The following MSRB2 variants were observed in gnomAD, a reference collection of about 807,000 sequenced individuals.
MSRB2 encodes methionine sulfoxide reductase B2.
In MSRB2, 17 loss-of-function variants were observed where a neutral mutation model predicts 19.0. That is an observed-to-expected ratio of 0.89 (90% confidence interval 0.61 to 1.34). MSRB2 has a LOEUF of 1.34. Ranked by LOEUF, MSRB2 falls within the 40% of genes most tolerant of loss-of-function variation. The probability of loss-of-function intolerance (pLI) is 0.00; values close to 1 mark genes in which losing one functional copy is unlikely to be tolerated. For missense variants in MSRB2, 208 were observed against 237.6 expected (o/e 0.88, Z 0.82); for synonymous variants, 107 against 99.7 (o/e 1.07, Z -0.44).
intron 1 of MSRB2, among the ~76,000 whole-genome samples, chr10:23,097,333 T>C (rs2131619973): frequency 6.6e-6 from 1 of 152,310 alleles, no homozygotes; most frequent in South Asian, 2.1e-4. Context: ...CAAAACACCG[T>C]GGACTGGGTG....
At chr10:23,110,219 T>A in intron 2 of MSRB2, 23 bp from the exon 3 acceptor site, 2 of 1,590,966 alleles carry the variant, frequency 1.3e-6, no homozygotes, top group Non-Finnish European at 1.7e-6. Context: ...AATCTGAACA[T>A]GACATATCTA....
At chr10:23,119,555 C>A (rs1214635874) in intron 4 of MSRB2, 104 bp downstream of exon 4, 1 of 1,353,634 alleles carries the variant, frequency 7.4e-7, no homozygotes, top group East Asian at 2.3e-5. Context: ...GGGGTACTTT[C>A]TTTTGTCTTC....
In MSRB2 at chr10:23,095,725, A is replaced by T; in HGVS notation, c.117A>T (p.Ala39=). The part of the protein sequence containing the change: ...GPGTGPGLGE[A]GSLATCELPL... ...GCACCGGGCCGGGACTGGGGGAGGC[A>T]GGTAGGACGCGGGTCCCGCAGGCCC... Residue 39 remains alanine, a splice_region_variant and synonymous_variant, in exon 1 of 5, where the codon GCA becomes GCT. Coordinates refer to ENST00000376510, the MANE Select transcript of MSRB2 (RefSeq NM_012228.4). 8.0e-7 allele frequency: 1 copy of T among 1,256,066 alleles called. No individual in the cohort carries two copies. 77.8% of individuals were successfully genotyped at this position (1,256,066 alleles called of 1,614,324 possible). A position where few individuals can be genotyped will look rare whatever the true frequency, so the allele number is the denominator to read the frequency against.
intron 1 of MSRB2, among the ~76,000 whole-genome samples, chr10:23,095,929 C>T (rs866529825): frequency 6.6e-5 from 10 of 151,962 alleles, no homozygotes; most frequent in Admixed American, 2.0e-4. Context: ...GGACTGACCC[C>T]TGTGAGAATC....
chr10:23,117,388 A>C (rs1456935022), intron 3 of MSRB2, among the ~76,000 whole-genome samples: 2 of 152,192 alleles, frequency 1.3e-5, no homozygotes, highest in South Asian at 2.1e-4. Flanking sequence ...AACAGACTGA[A>C]TTCAGAGGCA....
intron 2 of MSRB2, among the ~76,000 whole-genome samples, chr10:23,109,579 T>A (rs1309237134): frequency 6.6e-6 from 1 of 152,066 alleles, no homozygotes; most frequent in African/African-American, 2.4e-5. Flanking sequence ...AATAACATTT[T>A]AAAAAATATT....
intron 1 of MSRB2, among the ~76,000 whole-genome samples, chr10:23,096,350 C>CTGTGTGTGTGTGTGTGTGTGTGTG (rs780651477): frequency 9.1e-4 from 56 of 61,768 alleles, no homozygotes; most frequent in African/African-American, 3.4e-3. Context: ...CTCTCTCTCT[C>CTGTGTGTGTGTGTGTGTGTGTGTG]TCTGTGTGTG....
chr10:23,106,613 C>T (rs1315252544), intron 2 of MSRB2, among the ~76,000 whole-genome samples: 1 of 152,172 alleles, frequency 6.6e-6, no homozygotes, highest in East Asian at 1.9e-4. Flanking sequence ...ATCGCTAGAG[C>T]CCAGCGTTCT....
intron 4 of MSRB2, 99 bp downstream of exon 4, chr10:23,119,550 ACTTT>A (rs2131635270): frequency 7.2e-7 from 1 of 1,397,390 alleles, no homozygotes; most frequent in African/African-American, 1.4e-5. Flanking sequence ...TTATAGGGGT[ACTTT>A]CTTTTGTCTT....
intron 2 of MSRB2, among the ~76,000 whole-genome samples, chr10:23,109,540 C>CAAA (rs71395829): frequency 7.2e-6 from 1 of 138,276 alleles, no homozygotes. Flanking sequence ...GACTTCATCT[C>CAAA]AAAAAAAAAA....
chr10:23,103,132 T>C (rs1839943556), intron 1 of MSRB2, among the ~76,000 whole-genome samples: 1 of 152,238 alleles, frequency 6.6e-6, no homozygotes, highest in African/African-American at 2.4e-5. Flanking sequence ...ACTATATGTA[T>C]CACTGGAAAT....
At chr10:23,105,227 TG>T (rs1839974000) in intron 2 of MSRB2, among the ~76,000 whole-genome samples, 1 of 151,978 alleles carries the variant, frequency 6.6e-6, no homozygotes, top group Admixed American at 6.6e-5. Flanking sequence ...TGTGTGTGTG[TG>T]TGTGTGTGTG....
At chr10:23,106,872 C>G (rs1396772267) in intron 2 of MSRB2, among the ~76,000 whole-genome samples, 1 of 152,212 alleles carries the variant, frequency 6.6e-6, no homozygotes, top group Non-Finnish European at 1.5e-5. Context: ...TATCTGCAGT[C>G]ATCCCTCTTG....
At chr10:23,101,097 G>A (rs1191997671) in intron 1 of MSRB2, among the ~76,000 whole-genome samples, 2 of 152,138 alleles carry the variant, frequency 1.3e-5, no homozygotes, top group African/African-American at 4.8e-5. Context: ...AGATTTTGGT[G>A]TACTCATCAC....
chr10:23,111,380 G>A (rs963983725), intron 3 of MSRB2, among the ~76,000 whole-genome samples: 2 of 152,214 alleles, frequency 1.3e-5, no homozygotes, highest in African/African-American at 4.8e-5. Flanking sequence ...TGGCCCATGA[G>A]CTTTCAGCCA....
chr10:23,104,071 G>A, intron 1 of MSRB2, 73 bp from the exon 2 acceptor site: 1 of 1,255,380 alleles, frequency 8.0e-7, no homozygotes, highest in Middle Eastern at 1.9e-4. Flanking sequence ...TACACTTAGG[G>A]AAAAAGGTCA....
intron 3 of MSRB2, among the ~76,000 whole-genome samples, chr10:23,110,978 CA>C (rs1840045009): frequency 6.6e-6 from 1 of 152,176 alleles, no homozygotes; most frequent in East Asian, 1.9e-4. Flanking sequence ...TCCTATTTTT[CA>C]GAACTTCAAA....
chr10:23,119,172 A>G (rs1322075219), intron 3 of MSRB2, 132 bp from the exon 4 acceptor site: 5 of 1,164,780 alleles, frequency 4.3e-6, no homozygotes, highest in Non-Finnish European at 6.3e-6. Context: ...TGACTGTCGA[A>G]TAACTGGGCA....
intron 1 of MSRB2, among the ~76,000 whole-genome samples, chr10:23,099,170 C>T (rs947981030): frequency 3.9e-5 from 6 of 152,142 alleles, no homozygotes; most frequent in African/African-American, 7.2e-5. Context: ...TGGAAGTTGG[C>T]GGGCAGGGAG....
Sources: gnomAD v4.1 joint callset for allele counts (sites outside exome capture counted in the v4.1 genomes callset) on GRCh38, gnomAD v4.1.1 for gene constraint, MANE v1.5 for transcripts, NCBI Gene and HGNC (gene_info 2026-07-23, HGNC 2026-07-21) for gene names.